The following PRKN variants were observed in gnomAD, a reference collection of about 807,000 sequenced individuals.
PRKN encodes E3 ubiquitin-protein ligase parkin.
PRKN carries 56 observed loss-of-function variants against 59.5 expected under a neutral mutation model. The ratio of observed to expected loss-of-function variants is 0.94; its 90% CI spans 0.76 to 1.18. PRKN has a LOEUF of 1.18. PRKN is among the 50% of genes most tolerant of loss of function. PRKN has a pLI of 0.00. For synonymous variants in PRKN, 250 were observed against 222.1 expected, an observed-to-expected ratio of 1.13 and a Z score of -1.12; for missense variants, 657 against 596.4, an observed-to-expected ratio of 1.10 and a Z score of -1.06.
intron 1 of PRKN, among the ~76,000 whole-genome samples, chr6:162,643,086 A>G (rs1328116258): frequency 6.6e-6 from 1 of 152,156 alleles, no homozygotes; most frequent in Non-Finnish European, 1.5e-5. Context: ...ATAGACATAA[A>G]GACACCACGG....
At chr6:161,857,852 A>T (rs1360334270) in intron 6 of PRKN, among the ~76,000 whole-genome samples, 2 of 152,174 alleles carry the variant, frequency 1.3e-5, no homozygotes, top group Non-Finnish European at 2.9e-5. Context: ...AAAGAGGAAG[A>T]CACAACTTCA....
intron 7 of PRKN, among the ~76,000 whole-genome samples, chr6:161,733,796 A>ATATATATATATACG (rs1174992026): frequency 2.6e-5 from 2 of 77,214 alleles, no homozygotes; most frequent in African/African-American, 8.4e-5. Context: ...ATATATATAT[A>ATATATATATATACG]TGTATATATA....
intron 7 of PRKN, among the ~76,000 whole-genome samples, chr6:161,731,346 G>C (rs886443503): frequency 1.3e-5 from 2 of 152,228 alleles, no homozygotes; most frequent in African/African-American, 4.8e-5. Flanking sequence ...TCTCATGGTT[G>C]ATATCTTTCC....
intron 4 of PRKN, among the ~76,000 whole-genome samples, chr6:162,067,638 G>A (rs1324694044): frequency 6.6e-6 from 1 of 152,200 alleles, no homozygotes; most frequent in Non-Finnish European, 1.5e-5. Context: ...CACGCGACAT[G>A]CACATGATGA....
intron 2 of PRKN, among the ~76,000 whole-genome samples, chr6:162,320,375 A>C (rs965557569): frequency 1.4e-5 from 2 of 146,950 alleles, no homozygotes; most frequent in African/African-American, 5.0e-5. Flanking sequence ...AAAAAAAAAA[A>C]AAAAAAAAAC....
chr6:161,936,187 G>A (rs1779349416), intron 6 of PRKN, among the ~76,000 whole-genome samples: 1 of 151,394 alleles, frequency 6.6e-6, no homozygotes, highest in Non-Finnish European at 1.5e-5. Flanking sequence ...GCAAACTGAT[G>A]AAGAACAAAG....
At chr6:162,473,381 T>G (rs890176319) in intron 1 of PRKN, among the ~76,000 whole-genome samples, 1 of 152,200 alleles carries the variant, frequency 6.6e-6, no homozygotes, top group Admixed American at 6.5e-5. Context: ...TTGTGTGATC[T>G]GGTGAACACA....
At chr6:162,079,880 G>A (rs544580540) in intron 4 of PRKN, among the ~76,000 whole-genome samples, 8 of 152,190 alleles carry the variant, frequency 5.3e-5, no homozygotes, top group African/African-American at 1.9e-4. Context: ...GTATAATGCT[G>A]CATTTAGGTT....
At chr6:162,309,412 G>C (rs1252588262) in intron 2 of PRKN, among the ~76,000 whole-genome samples, 1 of 152,150 alleles carries the variant, frequency 6.6e-6, no homozygotes, top group Non-Finnish European at 1.5e-5. Context: ...TGATCTGCAT[G>C]CCTCAGCCTC....
chr6:162,275,461 A>T (rs1053798058), intron 2 of PRKN: 1 of 152,156 alleles, frequency 6.6e-6, no homozygotes, highest in Non-Finnish European at 1.5e-5. Context: ...AGCAATGAAT[A>T]AAAATGCAAT....
chr6:162,082,699 T>C (rs912482294), intron 4 of PRKN, among the ~76,000 whole-genome samples: 1 of 152,036 alleles, frequency 6.6e-6, no homozygotes, highest in African/African-American at 2.4e-5. Context: ...AGACGTGCCA[T>C]TCCTCCTTTC....
chr6:161,469,254 C>CTT (rs34727660), intron 9 of PRKN, among the ~76,000 whole-genome samples: 1 of 152,036 alleles, frequency 6.6e-6, no homozygotes, highest in Admixed American at 6.6e-5. Flanking sequence ...GAAGATCTGA[C>CTT]TTTTTTTATA....
chr6:162,130,311 G>T lies in PRKN; in HGVS notation c.534+70820C>A, dbSNP rs180891247. On this transcript the variant is annotated intron_variant, in intron 4 of 11. Coordinates refer to ENST00000366898, the MANE Select transcript of PRKN (RefSeq NM_004562.3). Reference sequence around the variant, plus strand: ...CATTCATTTCATCTATCACACAACAGAAGGTTTCTATTTTTAGAGGTCAAA... The same window carrying T: ...CATTCATTTCATCTATCACACAACATAAGGTTTCTATTTTTAGAGGTCAAA... Among the ~76,000 whole-genome samples the T allele has an allele frequency of 2.9e-3, 441 of 152,182 alleles. 2 individuals are homozygous for T. Among genetic ancestry groups the T allele is most frequent in the African/African-American group, 0.01 (416 of 41,504 alleles).
intron 1 of PRKN, among the ~76,000 whole-genome samples, chr6:162,487,094 ATTTT>A (rs1279552566): frequency 1.3e-5 from 2 of 151,696 alleles, no homozygotes; most frequent in Non-Finnish European, 1.5e-5. Flanking sequence ...AGAAAAGTAG[ATTTT>A]AAGGAAAAAA....
chr6:162,090,695 C>T (rs537338937), intron 4 of PRKN, among the ~76,000 whole-genome samples: 1 of 152,132 alleles, frequency 6.6e-6, no homozygotes, highest in African/African-American at 2.4e-5. Context: ...GATAACTTTG[C>T]AATGATGTAG....
At chr6:162,277,685 G>A (rs938686121) in intron 2 of PRKN, among the ~76,000 whole-genome samples, 13 of 151,966 alleles carry the variant, frequency 8.6e-5, no homozygotes, top group African/African-American at 2.9e-4. Context: ...CAAAGAAGTA[G>A]GCTCCACATC....
intron 1 of PRKN, among the ~76,000 whole-genome samples, chr6:162,635,213 T>C (rs971508005): frequency 1.3e-5 from 2 of 152,158 alleles, no homozygotes; most frequent in Admixed American, 6.5e-5. Flanking sequence ...AAAATGAACA[T>C]AGACATGGGT....
At chr6:162,365,157 A>G (rs937587703) in intron 2 of PRKN, among the ~76,000 whole-genome samples, 8 of 151,900 alleles carry the variant, frequency 5.3e-5, no homozygotes, top group African/African-American at 1.5e-4. Flanking sequence ...AAATCACACA[A>G]AAGTGTATAA....
At chr6:162,698,975 A>AGCTC (rs1466698960) in intron 1 of PRKN, among the ~76,000 whole-genome samples, 1 of 152,216 alleles carries the variant, frequency 6.6e-6, no homozygotes, top group African/African-American at 2.4e-5. Context: ...TTTTCTGAAG[A>AGCTC]GCTCTTCATT....
Sources: allele counts gnomAD v4.1 joint callset (sites outside exome capture counted in the v4.1 genomes callset), GRCh38; gene constraint gnomAD v4.1.1; transcripts MANE v1.5; gene names NCBI Gene and HGNC (gene_info 2026-07-23, HGNC 2026-07-21).